TMEM272: variants seen among roughly 807,000 people sequenced by gnomAD.
TMEM272 encodes the protein transmembrane protein 272.
In TMEM272, 8 loss-of-function variants were observed where a neutral mutation model predicts 3.7. That is an observed-to-expected ratio of 2.17 (90% CI 1.27 to 3.91). The LOEUF is 3.91. Among genes scored for constraint, TMEM272 ranks in the 30% most tolerant of loss-of-function variants. TMEM272 has a pLI of 0.00. For missense variants in TMEM272, 166 were observed against 91.5 expected, an observed-to-expected ratio of 1.81 and a Z score of -3.32; for synonymous variants, 63 against 39.8, an observed-to-expected ratio of 1.58 and a Z score of -2.20.
At chr13:51,856,111 G>A in the TMEM272 span, among the ~76,000 whole-genome samples, 1 of 152,146 alleles carries the variant, frequency 6.6e-6, no homozygotes, top group East Asian at 1.9e-4. Context: ...TGATTGGCTG[G>A]GGATGAAATC....
chr13:51,820,904 G>A (rs1328354524), intron 4 of TMEM272, among the ~76,000 whole-genome samples: 1 of 152,208 alleles, frequency 6.6e-6, no homozygotes, highest in East Asian at 1.9e-4. Context: ...CCAGATTGCT[G>A]TTAGGAGATG....
intron 2 of TMEM272, among the ~76,000 whole-genome samples, chr13:51,831,366 G>T (rs1266929396): frequency 6.6e-6 from 1 of 152,166 alleles, no homozygotes; most frequent in Non-Finnish European, 1.5e-5. Context: ...CAAGTCTGTA[G>T]TGAACCATAA....
At chr13:51,822,989 C>T (rs1219816219) in intron 3 of TMEM272, among the ~76,000 whole-genome samples, 1 of 152,256 alleles carries the variant, frequency 6.6e-6, no homozygotes, top group Non-Finnish European at 1.5e-5. Flanking sequence ...CTATGGGAGA[C>T]ACTGACTGCC....
the TMEM272 span, among the ~76,000 whole-genome samples, chr13:51,902,643 C>T: frequency 6.6e-6 from 1 of 152,210 alleles, no homozygotes; most frequent in African/African-American, 2.4e-5. Context: ...ACCCCAGAAG[C>T]AAGGCCACCT....
chr13:51,932,057 T>C, the TMEM272 span, among the ~76,000 whole-genome samples: 1 of 152,184 alleles, frequency 6.6e-6, no homozygotes, highest in East Asian at 1.9e-4. Context: ...TATGTCCCAG[T>C]TTGCCTGGAT....
chr13:51,871,165 GAAT>G, the TMEM272 span, among the ~76,000 whole-genome samples: 3 of 149,414 alleles, frequency 2.0e-5, no homozygotes, highest in Non-Finnish European at 3.0e-5. Context: ...GTGACCAATG[GAAT>G]AATAAGAAAA....
chr13:51,902,150 G>C, the TMEM272 span, among the ~76,000 whole-genome samples: 1 of 152,198 alleles, frequency 6.6e-6, no homozygotes, highest in Non-Finnish European at 1.5e-5. Flanking sequence ...TTGGATGAAA[G>C]AATAAATATA....
At chr13:51,903,351 G>A in the TMEM272 span, among the ~76,000 whole-genome samples, 13 of 152,314 alleles carry the variant, frequency 8.5e-5, no homozygotes, top group African/African-American at 3.1e-4. Flanking sequence ...TGCCATTGAG[G>A]TCTTGGTTTC....
At chr13:51,888,639 C>CTTTTTTTTTT in the TMEM272 span, among the ~76,000 whole-genome samples, 20 of 76,788 alleles carry the variant, frequency 2.6e-4, no homozygotes, top group South Asian at 5.7e-4. Flanking sequence ...TTTTCTTTTT[C>CTTTTTTTTTT]TTTTTTTTTT....
At chr13:51,871,857 C>A in the TMEM272 span, among the ~76,000 whole-genome samples, 1 of 150,210 alleles carries the variant, frequency 6.7e-6, no homozygotes, top group Admixed American at 6.6e-5. Context: ...CAGAGACGCC[C>A]AGAGGCTTTC....
In TMEM272 at chr13:51,829,506, T is replaced by G. The variant is rs141330127; in HGVS notation, c.59-2881A>C. Among the ~76,000 whole-genome samples, 763 of 152,298 alleles carry G rather than the reference T, an allele frequency of 5.0e-3. 6 individuals are homozygous for G. Among genetic ancestry groups the G allele is most frequent in the African/African-American group, 0.017 (716 of 41,554 alleles). Reference sequence around the variant, plus strand: ...AGAATTTCAGTTAATCTAGCCACATTTGTTTTAATTCTCAACTTAGAGTGG... The same window carrying G: ...AGAATTTCAGTTAATCTAGCCACATGTGTTTTAATTCTCAACTTAGAGTGG... On this transcript the variant is annotated intron_variant, in intron 2 of 4. Transcript: ENST00000629372.
At chr13:51,892,011 T>C in the TMEM272 span, among the ~76,000 whole-genome samples, 2 of 152,170 alleles carry the variant, frequency 1.3e-5, no homozygotes, top group Non-Finnish European at 2.9e-5. Context: ...CGAGCTCACA[T>C]TTAGGGATTT....
At chr13:51,833,297 G>T (rs1956188101) in intron 2 of TMEM272, among the ~76,000 whole-genome samples, 1 of 152,130 alleles carries the variant, frequency 6.6e-6, no homozygotes, top group African/African-American at 2.4e-5. Flanking sequence ...TTGCATAAGG[G>T]TATCTGGATT....
the TMEM272 span, chr13:51,866,257 T>C: frequency 1.7e-6 from 1 of 580,148 alleles, no homozygotes; most frequent in East Asian, 2.9e-5. Context: ...GCTGGCTGCA[T>C]TTTTTCCAGG....
chr13:51,910,025 C>CCT, the TMEM272 span: 1 of 1,483,190 alleles, frequency 6.7e-7, no homozygotes, highest in Non-Finnish European at 9.4e-7. Context: ...TTTCTTCATT[C>CCT]ATTTGAAATC....
At chr13:51,919,710 G>C in the TMEM272 span, among the ~76,000 whole-genome samples, 1 of 152,178 alleles carries the variant, frequency 6.6e-6, no homozygotes. Flanking sequence ...AGACGTCTCG[G>C]CTGTGTCCCG....
the TMEM272 span, among the ~76,000 whole-genome samples, chr13:51,904,450 T>G: frequency 1.1e-4 from 16 of 152,290 alleles, no homozygotes; most frequent in African/African-American, 3.4e-4. Flanking sequence ...ATGAGTCAGA[T>G]CTGGGAAAAC....
chr13:51,930,938 C>T, the TMEM272 span, among the ~76,000 whole-genome samples: 2 of 152,066 alleles, frequency 1.3e-5, no homozygotes, highest in Admixed American at 1.3e-4. Context: ...TATTTTCTAA[C>T]ATGTCAATTT....
At chr13:51,878,772 C>T in the TMEM272 span, among the ~76,000 whole-genome samples, 1 of 152,260 alleles carries the variant, frequency 6.6e-6, no homozygotes, top group Admixed American at 6.5e-5. Context: ...AATGACTCTT[C>T]CCTTCACTAT....
Sources: allele counts gnomAD v4.1 joint callset (sites outside exome capture counted in the v4.1 genomes callset), GRCh38; gene constraint gnomAD v4.1.1; transcripts MANE v1.5; gene names NCBI Gene and HGNC (gene_info 2026-07-23, HGNC 2026-07-21).